The following GALNT14 variants were observed in gnomAD, a reference collection of about 807,000 sequenced individuals.
GALNT14 encodes polypeptide N-acetylgalactosaminyltransferase 14.
A neutral mutation model predicts 77.5 loss-of-function variants in GALNT14; 60 were observed. The observed-to-expected ratio is 0.77, with a 90% CI of 0.63 to 0.96. The LOEUF (loss-of-function observed/expected upper bound fraction) is 0.96, where lower values mean the gene tolerates loss of function less well. Among genes scored for constraint, GALNT14 ranks in the 40% least tolerant of loss-of-function variants. The pLI, the probability that GALNT14 is intolerant of heterozygous loss-of-function variation, is 0.00. For missense variants in GALNT14, 710 were observed against 731.0 expected, an observed-to-expected ratio of 0.97 and a Z score of 0.33; for synonymous variants, 280 against 281.7, an observed-to-expected ratio of 0.99 and a Z score of 0.06.
At chr2:30,949,998 GA>G (rs1047720652) in intron 6 of GALNT14, among the ~76,000 whole-genome samples, 3 of 152,218 alleles carry the variant, frequency 2.0e-5, no homozygotes, top group African/African-American at 7.2e-5. Context: ...CTGCCATCTA[GA>G]ATATGTGTGA....
intron 13 of GALNT14, among the ~76,000 whole-genome samples, chr2:30,920,630 T>TACAC (rs140659655): frequency 0.021 from 3,044 of 145,176 alleles, 39 homozygotes; most frequent in Non-Finnish European, 0.024. Flanking sequence ...GAGTGTATGC[T>TACAC]ACACACACAC....
chr2:31,067,057 C>T (rs1018456007), intron 1 of GALNT14, among the ~76,000 whole-genome samples: 1 of 152,172 alleles, frequency 6.6e-6, no homozygotes, highest in African/African-American at 2.4e-5. Flanking sequence ...TTTTCCTTCC[C>T]CCAGCAGTCT....
At chr2:31,081,293 T>C (rs1334134476) in intron 1 of GALNT14, among the ~76,000 whole-genome samples, 3 of 152,176 alleles carry the variant, frequency 2.0e-5, no homozygotes, top group South Asian at 4.1e-4. Flanking sequence ...AAGATAAATA[T>C]CAAGTTTGTC....
chr2:31,105,932 G>A (rs1677533933), intron 1 of GALNT14, among the ~76,000 whole-genome samples: 1 of 152,108 alleles, frequency 6.6e-6, no homozygotes, highest in African/African-American at 2.4e-5. Flanking sequence ...CTTTCAAACA[G>A]TAAAAAACAC....
At position 31,137,195 on chromosome 2, in the gene GALNT14, A is replaced by G. The variant is rs142367100; in HGVS notation, c.129+763T>C. ...CAACTGATTTTCAGTGAACCTTCGG[A>G]GAGCCATGGGGAAGTTTTCCCTTTC... On this transcript the variant is annotated intron_variant, in intron 1 of 14. Transcript: ENST00000349752. Among the ~76,000 whole-genome samples the G allele has an allele frequency of 2.4e-4, 36 of 152,362 alleles. No homozygotes were observed. The East Asian group carries it at 6.6e-3, about 28-fold the overall frequency.
chr2:30,957,571 T>C (rs1436913649), intron 4 of GALNT14, among the ~76,000 whole-genome samples: 4 of 152,180 alleles, frequency 2.6e-5, no homozygotes, highest in Non-Finnish European at 5.9e-5. Context: ...CTAGGCCTCA[T>C]GTACAGCCCA....
intron 1 of GALNT14, among the ~76,000 whole-genome samples, chr2:31,068,470 C>T (rs1301698868): frequency 6.9e-6 from 1 of 145,434 alleles, no homozygotes; most frequent in East Asian, 2.0e-4. Flanking sequence ...GATCACGCCA[C>T]TCTACTCCAG....
At chr2:30,992,811 T>C (rs751168807) in intron 2 of GALNT14, 27 bp downstream of exon 2, 2 of 1,608,048 alleles carry the variant, frequency 1.2e-6, no homozygotes, top group East Asian at 2.2e-5. Context: ...ACTGCGGGGG[T>C]AACAGAGTGG....
At chr2:30,896,767 G>A in the GALNT14 span, among the ~76,000 whole-genome samples, 1 of 152,132 alleles carries the variant, frequency 6.6e-6, no homozygotes. Context: ...TACTTGGCAT[G>A]AAGGCCATTC....
chr2:30,942,308 T>G lies in GALNT14; in HGVS notation c.828-4A>C. The G allele has an allele frequency of 1.2e-6, 2 of 1,611,192 alleles. No individual in the cohort carries two copies. Among genetic ancestry groups the G allele is most frequent in the Non-Finnish European group, 1.7e-6 (2 of 1,177,510 alleles). ...CCCTCCAGCTATGATAGGAGTCCTG[T>G]GCATTTGGAAGAAAAAGAGAGGGGA... On this transcript the variant is annotated splice_polypyrimidine_tract_variant and splice_region_variant and intron_variant, in intron 8 of 14. Coordinates refer to ENST00000349752, the MANE Select transcript of GALNT14 (RefSeq NM_024572.4).
At chr2:30,928,940 C>T (rs1423056315) in intron 11 of GALNT14, among the ~76,000 whole-genome samples, 1 of 152,168 alleles carries the variant, frequency 6.6e-6, no homozygotes, top group African/African-American at 2.4e-5. Flanking sequence ...AATAAACATT[C>T]CTTTCTCTGT....
intron 1 of GALNT14, among the ~76,000 whole-genome samples, chr2:31,018,734 G>A (rs1055960243): frequency 1.3e-5 from 2 of 152,186 alleles, no homozygotes; most frequent in African/African-American, 4.8e-5. Flanking sequence ...GGATGGAAAT[G>A]AGTTGGTGAG....
intron 1 of GALNT14, among the ~76,000 whole-genome samples, chr2:31,043,340 C>T (rs1354697268): frequency 6.6e-6 from 1 of 152,132 alleles, no homozygotes; most frequent in African/African-American, 2.4e-5. Context: ...GTTAACTACG[C>T]TTATTATTTA....
chr2:31,103,490 A>AACACAC (rs58852483), intron 1 of GALNT14, among the ~76,000 whole-genome samples: 8,087 of 150,170 alleles, frequency 0.054, 467 homozygotes, highest in African/African-American at 0.15. Context: ...AGAAGAAGGA[A>AACACAC]ACACACACAC....
intron 1 of GALNT14, among the ~76,000 whole-genome samples, chr2:31,018,926 A>C (rs926761654): frequency 2.6e-5 from 4 of 152,172 alleles, no homozygotes; most frequent in Non-Finnish European, 5.9e-5. Context: ...AGTGGTCATT[A>C]GACAAGAGAA....
the GALNT14 span, among the ~76,000 whole-genome samples, chr2:30,890,431 G>A: frequency 6.6e-6 from 1 of 152,142 alleles, no homozygotes; most frequent in Admixed American, 6.5e-5. Flanking sequence ...CTGAAATGGG[G>A]ATAATCATGT....
intron 1 of GALNT14, among the ~76,000 whole-genome samples, chr2:31,049,997 C>T (rs930318052): frequency 6.6e-6 from 1 of 152,100 alleles, no homozygotes; most frequent in African/African-American, 2.4e-5. Context: ...AAAATAAATA[C>T]AATGGGCAGC....
At chr2:31,001,914 T>G (rs1411353898) in intron 1 of GALNT14, among the ~76,000 whole-genome samples, 1 of 152,134 alleles carries the variant, frequency 6.6e-6, no homozygotes, top group Non-Finnish European at 1.5e-5. Context: ...TGGGTCGATT[T>G]GAAAAAGAAC....
chr2:31,126,728 G>A (rs746992101), intron 1 of GALNT14: 3 of 151,956 alleles, frequency 2.0e-5, no homozygotes, highest in Non-Finnish European at 4.4e-5. Context: ...TGTACCATGG[G>A]GCTACTATAC....
Sources: allele counts gnomAD v4.1 joint callset (sites outside exome capture counted in the v4.1 genomes callset), GRCh38; gene constraint gnomAD v4.1.1; transcripts MANE v1.5; gene names NCBI Gene and HGNC (gene_info 2026-07-23, HGNC 2026-07-21).